LTBP4: variants seen among roughly 807,000 people sequenced by gnomAD.
LTBP4 encodes the protein latent-transforming growth factor beta-binding protein 4.
In LTBP4, 93 loss-of-function variants were observed where a neutral mutation model predicts 180.2. The ratio of observed to expected loss-of-function variants is 0.52; its 90% CI spans 0.44 to 0.61. The LOEUF is 0.61. LTBP4 is among the 20% of genes least tolerant of loss of function. The probability of loss-of-function intolerance (pLI) is 0.00; values close to 1 mark genes in which losing one functional copy is unlikely to be tolerated. For synonymous variants in LTBP4, 947 were observed against 934.5 expected (o/e 1.01, Z -0.24); for missense variants, 2,116 against 2,256.5 (o/e 0.94, Z 1.26).
At chr19:40,618,450 G>A (rs1416099159) in intron 21 of LTBP4, among the ~76,000 whole-genome samples, 2 of 152,106 alleles carry the variant, frequency 1.3e-5, no homozygotes, top group Non-Finnish European at 2.9e-5. Flanking sequence ...GAGTAGAGAT[G>A]GAGTTTTGCC....
intron 11 of LTBP4, 136 bp from the exon 12 acceptor site, chr19:40,610,396 G>A (rs1247929553): frequency 7.8e-6 from 8 of 1,022,830 alleles, no homozygotes; most frequent in East Asian, 2.7e-5. Context: ...CCCCTCTCCG[G>A]CTGTCCTGGC....
In LTBP4 at chr19:40,601,529, G is replaced by A; in HGVS notation, c.142G>A (p.Gly48Arg). 1 of 1,493,252 alleles carries A rather than the reference G, an allele frequency of 6.7e-7. No homozygotes were observed. Among genetic ancestry groups the A allele is most frequent in the Non-Finnish European group, 8.9e-7 (1 of 1,128,348 alleles). The allele number at this position is 1,493,252 out of a possible 1,614,324, so 92.5% of individuals were successfully genotyped here. Residue 48 changes from glycine (G) to arginine (R), a missense_variant, in exon 1 of 30, where the codon GGG becomes AGG. Coordinates refer to ENST00000396819, the MANE Select transcript of LTBP4 (RefSeq NM_001042545.2). ...CGTGTGCGGCCTGCGCTGCGTCCAT[G>A]GGCCGACCGGCTCCCGCTGTACCCC... The part of the protein sequence containing the change: ...PVVCGLRCVH[G>R]PTGSRCTPTC...
intron 15 of LTBP4, 82 bp from the exon 16 acceptor site, chr19:40,612,983 T>A: frequency 2.8e-5 from 35 of 1,236,670 alleles, no homozygotes; most frequent in Non-Finnish European, 3.8e-5. Flanking sequence ...TCCCACCACC[T>A]CCCCCAGACA....
At chr19:40,607,647 C>G (rs2081473439) in intron 7 of LTBP4, 118 bp downstream of exon 7, 1 of 1,189,222 alleles carries the variant, frequency 8.4e-7, no homozygotes, top group African/African-American at 1.5e-5. Context: ...CCAGCCTTGG[C>G]CACGCAGCAG....
chr19:40,611,472 G>A lies in LTBP4; in HGVS notation c.2053+78G>A. The A allele has an allele frequency of 6.6e-7, 1 of 1,525,996 alleles. No homozygotes were observed. 94.5% of individuals were successfully genotyped at this position (1,525,996 alleles called of 1,614,324 possible). A position where few individuals can be genotyped will look rare whatever the true frequency, so the allele number is the denominator to read the frequency against. The stretch of plus-strand genomic sequence containing the variant: ...AGAGAGATTATTGAGGGGCAGAGAG[G>A]CAGAGTGATGGGGCTCAGGGATGGA... On this transcript the variant is annotated intron_variant, in intron 13 of 29. Coordinates refer to ENST00000396819, the MANE Select transcript of LTBP4 (RefSeq NM_001042545.2). This position sits in a 1 kb window ranked among gnomAD's most constrained non-coding sequence, Gnocchi z 4.4.
In LTBP4 at chr19:40,613,469, T is replaced by C. The variant is rs1452365920; in HGVS notation, c.2497T>C (p.Ser833Pro). The C allele has an allele frequency of 1.3e-6, 2 of 1,596,492 alleles. No individual in the cohort carries two copies. The highest frequency in any genetic ancestry group is 1.7e-6 in the Non-Finnish European group (2 of 1,172,028). ...CGGCGAGTGCCTCAACACTGACGGC[T>C]CCTTTGCCTGTACTTGTGCCCCTGG... ...PHGECLNTDG[S>P]FACTCAPGYR... Residue 833 changes from serine to proline, a missense_variant, in exon 17 of 30, where the codon TCC becomes CCC. Ser to Pro is a moderately conservative substitution (Grantham distance 74, BLOSUM62 -1). Coordinates refer to ENST00000396819, the MANE Select transcript of LTBP4 (RefSeq NM_001042545.2). The surrounding 1 kb of genome is among the most constrained non-coding windows in gnomAD (Gnocchi z 5.0).
intron 28 of LTBP4, 63 bp from the exon 29 acceptor site, chr19:40,627,642 A>C: frequency 6.5e-7 from 1 of 1,540,860 alleles, no homozygotes; most frequent in Non-Finnish European, 8.7e-7. Flanking sequence ...ACGCGCACCC[A>C]CCGTTGTGGG....
chr19:40,595,571 G>A (rs1010631784), intron 1 of LTBP4, among the ~76,000 whole-genome samples: 10 of 152,018 alleles, frequency 6.6e-5, no homozygotes, highest in Non-Finnish European at 1.5e-4. Flanking sequence ...AGAGCTTTGA[G>A]TCTCAAGCTG....
chr19:40,620,668 C>T (rs1056933654), intron 22 of LTBP4, among the ~76,000 whole-genome samples: 3 of 145,458 alleles, frequency 2.1e-5, no homozygotes, highest in Admixed American at 7.3e-5. Flanking sequence ...CCCAGCTATT[C>T]GAAAGGCTGA....
upstream of LTBP4, chr19:40,599,454 AGT>A: frequency 6.2e-7 from 1 of 1,613,900 alleles, no homozygotes; most frequent in Non-Finnish European, 8.5e-7. Context: ...CAGCCCAAAA[AGT>A]GTGCAGGCCC....
intron 19 of LTBP4, among the ~76,000 whole-genome samples, chr19:40,615,728 C>T (rs375150606): frequency 6.6e-6 from 1 of 152,142 alleles, no homozygotes; most frequent in South Asian, 2.1e-4. Flanking sequence ...CACTGCACTG[C>T]AGCCTCGGCG....
chr19:40,627,499 T>C, intron 28 of LTBP4, 144 bp downstream of exon 28: 1 of 1,306,608 alleles, frequency 7.7e-7, no homozygotes, highest in Non-Finnish European at 1.0e-6. Flanking sequence ...GAAGTGTCTA[T>C]AGCCCGGCAA....
chr19:40,607,575 C>T (rs781755772), intron 7 of LTBP4, 46 bp downstream of exon 7: 53 of 1,536,938 alleles, frequency 3.4e-5, no homozygotes, highest in Non-Finnish European at 4.6e-5. Context: ...ACACATGTGG[C>T]GCTCATTCTA....
rs751242257 is a variant in LTBP4 at position 40,602,145 on chromosome 19, TTGTGTG to T, written c.250+541_250+546del. ...GAGGGAGAGGGGACAGAGACGGGGGTTGTGTGTGTGTGTGTGTGTGTGTGTGTGTGT... is the reference window on the plus strand; with the variant it reads ...GAGGGAGAGGGGACAGAGACGGGGGTTGTGTGTGTGTGTGTGTGTGTGTGT... On this transcript the variant is annotated intron_variant, in intron 1 of 29. Transcript: ENST00000396819. 9.8e-3 allele frequency among the ~76,000 whole-genome samples: 805 copies of T among 81,802 alleles called. 14 individuals are homozygous for T. Among genetic ancestry groups the T allele is most frequent in the African/African-American group, 0.034 (559 of 16,622 alleles). 53.7% of individuals were successfully genotyped at this position (81,802 alleles called of 152,430 possible). A position where few individuals can be genotyped will look rare whatever the true frequency, so the allele number is the denominator to read the frequency against.
chr19:40,605,313 C>G lies in LTBP4; in HGVS notation c.442+87C>G. The G allele has an allele frequency of 6.4e-7, 1 of 1,569,770 alleles. No homozygotes were observed. Among genetic ancestry groups the G allele is most frequent in the East Asian group, 2.3e-5 (1 of 43,318 alleles). On this transcript the variant is annotated intron_variant, in intron 2 of 29. Transcript: ENST00000396819. This position sits in a 1 kb window ranked among gnomAD's most constrained non-coding sequence, Gnocchi z 5.5. ...CCCTCATATTTCCCGCCTTCCCGAG[C>G]ACCTTTGCCCAGCTCGCCCTCCCCG... is the stretch of plus-strand genomic sequence containing the variant.
chr19:40,609,419 G>A lies in LTBP4; in HGVS notation c.1427-111G>A. ...AAGAAGACTGGGCTTGCTTGGGGAG[G>A]AGACATCCATGAAGGTGTTTTATGG... is the stretch of plus-strand genomic sequence containing the variant. On this transcript the variant is annotated intron_variant, in intron 9 of 29. Transcript: ENST00000396819. This position sits in a 1 kb window ranked among gnomAD's most constrained non-coding sequence, Gnocchi z 4.9. 3 of 1,357,576 alleles carry A rather than the reference G, an allele frequency of 2.2e-6. No individual in the cohort carries two copies. The highest frequency in any genetic ancestry group is 1.3e-5 in the South Asian group (1 of 75,856). 84.1% of individuals were successfully genotyped at this position (1,357,576 alleles called of 1,614,324 possible).
chr19:40,599,546 C>A (rs749062187), upstream of LTBP4: 2 of 1,608,930 alleles, frequency 1.2e-6, no homozygotes, highest in South Asian at 1.1e-5. Flanking sequence ...CCTCAACTGG[C>A]AGCCACTGAC....
At chr19:40,614,825 C>G (rs1388644663) in intron 19 of LTBP4, among the ~76,000 whole-genome samples, 1 of 152,116 alleles carries the variant, frequency 6.6e-6, no homozygotes, top group African/African-American at 2.4e-5. Context: ...GCCCTTTCCG[C>G]GCCCTCCACC....
In LTBP4 at chr19:40,605,756, A is replaced by G; in HGVS notation, c.718A>G (p.Thr240Ala). The change falls in exon 4 of 30, where the codon ACG becomes GCG. Residue 240 changes from threonine (T) to alanine (A), a missense_variant. Coordinates refer to ENST00000396819, the MANE Select transcript of LTBP4 (RefSeq NM_001042545.2). This position sits in a 1 kb window ranked among gnomAD's most constrained non-coding sequence, Gnocchi z 5.5. ...CGCGTCCCCGCTGCCCGGGCTCCGG[A>G]CGCAGGAGGTCTGCTGCCGAGGGGC... ...ECASPLPGLR[T>A]QEVCCRGAGL... 1 of 1,544,448 alleles carries G rather than the reference A, an allele frequency of 6.5e-7. No individual in the cohort carries two copies. Among genetic ancestry groups the G allele is most frequent in the South Asian group, 1.2e-5 (1 of 84,000 alleles).
Sources: allele counts gnomAD v4.1 joint callset (sites outside exome capture counted in the v4.1 genomes callset), GRCh38; gene constraint gnomAD v4.1.1; non-coding constraint Gnocchi (gnomAD v3.1); transcripts MANE v1.5; gene names NCBI Gene and HGNC (gene_info 2026-07-23, HGNC 2026-07-21).